CLASRP: variants seen among roughly 807,000 people sequenced by gnomAD.
CLASRP encodes CLK4-associating serine/arginine rich protein.
Under a neutral mutation model 99.9 loss-of-function variants are expected in CLASRP, and 52 were observed. The observed-to-expected ratio is 0.52, with a 90% CI of 0.42 to 0.66. The LOEUF is 0.66. CLASRP is among the 30% of genes least tolerant of loss of function. The pLI is 0.00. For synonymous variants in CLASRP, 379 were observed against 373.0 expected (o/e 1.02, Z -0.18); for missense variants, 848 against 999.2 (o/e 0.85, Z 2.04).
chr19:45,052,400 G>T (rs945211904), intron 3 of CLASRP, among the ~76,000 whole-genome samples: 7 of 152,196 alleles, frequency 4.6e-5, no homozygotes, highest in Non-Finnish European at 8.8e-5. Context: ...CTTAGAAATG[G>T]GTGGAGCCAG....
chr19:45,069,001 A>G (rs1322476290), intron 16 of CLASRP, 65 bp from the exon 17 acceptor site: 2 of 1,448,258 alleles, frequency 1.4e-6, no homozygotes, highest in South Asian at 1.2e-5. Context: ...AAAAAAAAAA[A>G]AAAGAAAAAA....
chr19:45,060,195 T>TC lies in CLASRP; in HGVS notation c.711-193dup, dbSNP rs1023260559. 2.0e-5 allele frequency among the ~76,000 whole-genome samples: 3 copies of TC among 152,160 alleles called. No homozygotes were observed. The highest frequency in any genetic ancestry group is 6.5e-5 in the Admixed American group (1 of 15,268). On this transcript the variant is annotated intron_variant, in intron 8 of 20. Transcript: ENST00000221455. The surrounding 1 kb of genome is among the most constrained non-coding windows in gnomAD (Gnocchi z 4.6). ...AGGTGAGGATTTCTGTTTTTTTTTT[T>TC]CAGTGCTCAGTTCTTGATACCTAAG...
chr19:45,064,848 A>G (rs916469661), intron 13 of CLASRP, among the ~76,000 whole-genome samples: 8 of 152,116 alleles, frequency 5.3e-5, no homozygotes, highest in Non-Finnish European at 1.0e-4. Context: ...GTGGAGGTGG[A>G]TCCCAGCCGC....
At chr19:45,070,186 G>C in intron 19 of CLASRP, 82 bp downstream of exon 19, 1 of 922,544 alleles carries the variant, frequency 1.1e-6, no homozygotes, top group Non-Finnish European at 1.8e-6. Flanking sequence ...CCATAGTACA[G>C]CCGGGCGCGG....
chr19:45,062,284 T>G, intron 11 of CLASRP, 89 bp downstream of exon 11: 1 of 820,964 alleles, frequency 1.2e-6, no homozygotes. Flanking sequence ...AGGTTCACCC[T>G]GCTAGGCCAC....
At chr19:45,061,056 G>A (rs1297671345) in intron 10 of CLASRP, among the ~76,000 whole-genome samples, 1 of 152,210 alleles carries the variant, frequency 6.6e-6, no homozygotes, top group Non-Finnish European at 1.5e-5. Context: ...CCTACCTGGA[G>A]AGAGGGCTGG....
intron 5 of CLASRP, 33 bp from the exon 6 acceptor site, chr19:45,056,417 C>A: frequency 6.3e-7 from 1 of 1,596,216 alleles, no homozygotes; most frequent in South Asian, 1.1e-5. Context: ...TGTCCCCAAC[C>A]CACTCTGACC....
intron 13 of CLASRP, among the ~76,000 whole-genome samples, chr19:45,066,835 G>A (rs556559457): frequency 5.1e-4 from 78 of 152,114 alleles, no homozygotes; most frequent in African/African-American, 1.8e-3. Flanking sequence ...GGGAGAGGAT[G>A]GGGTTCCGCA....
Position 45,057,907 on chromosome 19 carries a change from C to T in CLASRP, c.613+9C>T, listed in dbSNP as rs762911537. Reference sequence around the variant, plus strand: ...GGTCATCCCCGACATCGGTGGGGTCCCCTCTCTGCCCTCCCCACCTGCAGT... The same window carrying T: ...GGTCATCCCCGACATCGGTGGGGTCTCCTCTCTGCCCTCCCCACCTGCAGT... On this transcript the variant is annotated intron_variant, in intron 7 of 20. Transcript: ENST00000221455. 1.6e-5 allele frequency: 26 copies of T among 1,613,218 alleles called. No homozygotes were observed. Among genetic ancestry groups the T allele is most frequent in the African/African-American group, 6.7e-5 (5 of 74,872 alleles).
chr19:45,068,329 C>CCCCCCCCCAAACCCCCCG, intron 15 of CLASRP, 91 bp from the exon 16 acceptor site: 1 of 648,518 alleles, frequency 1.5e-6, no homozygotes, highest in Non-Finnish European at 2.8e-6. Flanking sequence ...CCACCCCCCC[C>CCCCCCCCCAAACCCCCCG]CCGCACAAAG....
At position 45,068,412 on chromosome 19, in the gene CLASRP, C is replaced by CT; in HGVS notation, c.1708-7dup. ...CCCCCTCTCCCGCCTCTTCTCCCCC[C>CT]TCCCCAGCCCAAGCTGACGCCTCAG... On this transcript the variant is annotated splice_region_variant and splice_polypyrimidine_tract_variant and intron_variant, in intron 15 of 20. Transcript: ENST00000221455. 6.3e-7 allele frequency: 1 copy of CT among 1,597,948 alleles called. No homozygotes were observed. Among genetic ancestry groups the CT allele is most frequent in the Non-Finnish European group, 8.6e-7 (1 of 1,165,266 alleles).
intron 2 of CLASRP, 54 bp downstream of exon 2, chr19:45,040,365 C>G: frequency 1.7e-6 from 2 of 1,206,360 alleles, no homozygotes; most frequent in Non-Finnish European, 2.4e-6. Flanking sequence ...GGGGGCACAG[C>G]TGGTCATCCT....
intron 4 of CLASRP, 52 bp downstream of exon 4, chr19:45,052,944 C>T (rs1972053279): frequency 6.4e-7 from 1 of 1,553,054 alleles, no homozygotes; most frequent in Non-Finnish European, 8.8e-7. Context: ...CCAGGAGCCC[C>T]TGTTCTTTTC....
At chr19:45,059,613 C>A (rs2304195) in intron 8 of CLASRP, among the ~76,000 whole-genome samples, 3 of 151,956 alleles carry the variant, frequency 2.0e-5, no homozygotes, top group African/African-American at 7.3e-5. Context: ...TCTGACTCTT[C>A]GAAGCTCTGG....
At chr19:45,043,195 T>A (rs1055724243) in intron 2 of CLASRP, among the ~76,000 whole-genome samples, 2 of 134,690 alleles carry the variant, frequency 1.5e-5, no homozygotes, top group Non-Finnish European at 3.2e-5. Flanking sequence ...AAGGAATACT[T>A]TGTGTGTGTG....
At chr19:45,047,517 CTG>C (rs1479248660) in intron 2 of CLASRP, 1 of 151,198 alleles carries the variant, frequency 6.6e-6, no homozygotes, top group African/African-American at 2.4e-5. Context: ...AGCATGGCCA[CTG>C]TGCAAGGATG....
intron 5 of CLASRP, among the ~76,000 whole-genome samples, chr19:45,054,303 G>A (rs1182729673): frequency 2.0e-5 from 3 of 152,120 alleles, no homozygotes. Flanking sequence ...AGGCTGGCAT[G>A]CAGTGGCGCA....
chr19:45,048,919 G>A (rs1055617337), intron 2 of CLASRP, among the ~76,000 whole-genome samples: 3 of 152,134 alleles, frequency 2.0e-5, no homozygotes, highest in African/African-American at 7.2e-5. Flanking sequence ...TTGGGAGGCA[G>A]AGGTTGCAGT....
At chr19:45,040,906 G>C (rs1389378152) in intron 2 of CLASRP, among the ~76,000 whole-genome samples, 1 of 152,118 alleles carries the variant, frequency 6.6e-6, no homozygotes, top group Non-Finnish European at 1.5e-5. Context: ...GGAGGCTGTA[G>C]TGCATGGAGA....
Sources: gnomAD v4.1 joint callset for allele counts (sites outside exome capture counted in the v4.1 genomes callset) on GRCh38, gnomAD v4.1.1 for gene constraint, Gnocchi (gnomAD v3.1) non-coding constraint, MANE v1.5 for transcripts, NCBI Gene and HGNC (gene_info 2026-07-23, HGNC 2026-07-21) for gene names.